PCNX2: variants seen among roughly 807,000 people sequenced by gnomAD.
PCNX2 encodes the protein pecanex-like protein 2.
Under a neutral mutation model 223.8 loss-of-function variants are expected in PCNX2, and 168 were observed. That is an observed-to-expected ratio of 0.75 (90% CI 0.66 to 0.85). The LOEUF (loss-of-function observed/expected upper bound fraction) is 0.85. Among genes scored for constraint, PCNX2 ranks in the 40% least tolerant of loss-of-function variants. The pLI, the probability that PCNX2 is intolerant of heterozygous loss-of-function variation, is 0.00. For synonymous variants in PCNX2, 1,006 were observed against 1,052.6 expected (o/e 0.96, Z 0.86); for missense variants, 2,507 against 2,675.5 (o/e 0.94, Z 1.39).
intron 17 of PCNX2, among the ~76,000 whole-genome samples, chr1:233,165,316 G>T (rs1162171439): frequency 6.6e-6 from 1 of 152,074 alleles, no homozygotes; most frequent in Non-Finnish European, 1.5e-5. Context: ...TGCCTCCTAG[G>T]GCACATTTTG....
chr1:233,054,234 C>A, intron 25 of PCNX2, 34 bp downstream of exon 25: 1 of 1,590,550 alleles, frequency 6.3e-7, no homozygotes, highest in South Asian at 1.1e-5. Flanking sequence ...AAGCAACCAA[C>A]TTTCAACAGT....
intron 26 of PCNX2, among the ~76,000 whole-genome samples, chr1:233,022,695 CTT>C (rs372153367): frequency 3.3e-4 from 42 of 128,660 alleles, no homozygotes; most frequent in African/African-American, 7.1e-4. Context: ...CTTTTTCTTT[CTT>C]TTTTTTTTTT....
At chr1:233,074,883 C>A (rs945891924) in intron 23 of PCNX2, among the ~76,000 whole-genome samples, 13 of 152,046 alleles carry the variant, frequency 8.6e-5, no homozygotes, top group East Asian at 1.9e-4. Context: ...TCACTGTATA[C>A]CCCTCAGAAT....
intron 23 of PCNX2, among the ~76,000 whole-genome samples, chr1:233,074,594 C>CAAAAAAAAAAA (rs531631109): frequency 2.1e-5 from 1 of 47,702 alleles, no homozygotes; most frequent in Non-Finnish European, 4.3e-5. Flanking sequence ...GACTCCGTCT[C>CAAAAAAAAAAA]AAAAAAAAAA....
At chr1:233,257,269 G>A (rs1659783541) in intron 5 of PCNX2, among the ~76,000 whole-genome samples, 1 of 96,728 alleles carries the variant, frequency 1.0e-5, no homozygotes, top group South Asian at 3.0e-4. Context: ...CTAGATACTT[G>A]GGAAAGCAAG....
chr1:233,010,183 A>G (rs1670417919), intron 28 of PCNX2, among the ~76,000 whole-genome samples: 1 of 152,216 alleles, frequency 6.6e-6, no homozygotes, highest in South Asian at 2.1e-4. Context: ...TCTCCAGTGG[A>G]AGCTCAGGAG....
chr1:233,271,988 T>C (rs1308682699), intron 1 of PCNX2, among the ~76,000 whole-genome samples: 2 of 152,270 alleles, frequency 1.3e-5, no homozygotes, highest in South Asian at 4.1e-4. Flanking sequence ...AATTTTAGGA[T>C]TGTCTTTTCA....
At chr1:233,197,800 T>C (rs929770832) in intron 15 of PCNX2, among the ~76,000 whole-genome samples, 6 of 152,224 alleles carry the variant, frequency 3.9e-5, no homozygotes, top group Non-Finnish European at 5.9e-5. Context: ...CAGTTTAATA[T>C]GATTTAAGTT....
chr1:233,214,519 GA>G (rs1183366703), intron 12 of PCNX2, among the ~76,000 whole-genome samples: 1 of 152,202 alleles, frequency 6.6e-6, no homozygotes, highest in Non-Finnish European at 1.5e-5. Context: ...GGGGAGGGGG[GA>G]AATCGAGCTC....
Position 233,258,870 on chromosome 1 carries a change from C to T in PCNX2, c.992G>A (p.Cys331Tyr). Residue 331 changes from cysteine to tyrosine, a missense_variant, in exon 5 of 34, where the codon TGT (cysteine) becomes TAT (tyrosine). Cys to Tyr is a radical substitution (Grantham distance 194). Coordinates refer to ENST00000258229, the MANE Select transcript of PCNX2 (RefSeq NM_014801.4). ...KPVEEPADTS[C>Y]QVDTSCQGDL... ...CCCCTGGCAGGAGGTATCTACCTGA[C>T]AGGATGTGTCTGCTGGCTCCTCCAC... 6.2e-7 allele frequency: 1 copy of T among 1,613,922 alleles called. No homozygotes were observed.
At chr1:233,217,634 C>T (rs1194160155) in intron 12 of PCNX2, among the ~76,000 whole-genome samples, 1 of 152,078 alleles carries the variant, frequency 6.6e-6, no homozygotes, top group Non-Finnish European at 1.5e-5. Context: ...TCTTTGTTGA[C>T]TTGAATCCAG....
chr1:233,269,475 A>G lies in PCNX2; in HGVS notation c.154-6312T>C, dbSNP rs118128890. On this transcript the variant is annotated intron_variant, in intron 1 of 33. Transcript: ENST00000258229. ...ATAAAAAAGCAAAGGCACTTCTCCA[A>G]TTATTTTCTGAGACACAAATACACC... 3.3e-5 allele frequency among the ~76,000 whole-genome samples: 5 copies of G among 152,316 alleles called. No individual in the cohort carries two copies. In the East Asian group the frequency reaches 5.8e-4, roughly 18 times the overall value.
intron 23 of PCNX2, among the ~76,000 whole-genome samples, chr1:233,063,063 C>T (rs551199748): frequency 2.8e-4 from 43 of 152,158 alleles, no homozygotes; most frequent in African/African-American, 9.6e-4. Flanking sequence ...ACAGTGAAAC[C>T]CTGTCTCTAC....
intron 8 of PCNX2, among the ~76,000 whole-genome samples, chr1:233,237,662 G>A (rs1350286517): frequency 4.6e-5 from 7 of 152,108 alleles, no homozygotes; most frequent in Admixed American, 4.6e-4. Context: ...TGATTTTCTA[G>A]TAGGGTATCT....
intron 15 of PCNX2, among the ~76,000 whole-genome samples, chr1:233,189,029 A>C (rs996980330): frequency 6.6e-6 from 1 of 152,198 alleles, no homozygotes; most frequent in African/African-American, 2.4e-5. Context: ...AGGCCATCTT[A>C]GAATTCAGCC....
intron 17 of PCNX2, among the ~76,000 whole-genome samples, chr1:233,177,412 T>C (rs1389439075): frequency 5.3e-5 from 8 of 152,294 alleles, no homozygotes; most frequent in Non-Finnish European, 1.2e-4. Context: ...AAATATAGAA[T>C]GTGAGGCCCC....
At chr1:233,120,164 C>CAAAAAAAAAA (rs1228898502) in intron 21 of PCNX2, among the ~76,000 whole-genome samples, 240 of 40,550 alleles carry the variant, frequency 5.9e-3, no homozygotes, top group Non-Finnish European at 7.2e-3. Flanking sequence ...GACTCCATTT[C>CAAAAAAAAAA]AAAAAAAAAA....
In PCNX2 at chr1:233,259,310, T is replaced by C. The variant is rs747173659; in HGVS notation, c.552A>G (p.Pro184=). The change falls in exon 5 of 34, where the codon CCA becomes CCG. Residue 184 remains proline, a synonymous_variant. Transcript: ENST00000258229. The part of the protein sequence containing the change: ...VILLEDHPIA[P]VSSTSPGIKV... The stretch of plus-strand genomic sequence containing the variant: ...TGATACCAGGTGAGGTAGATGACAC[T>C]GGTGCTATGGGATGGTCTTCTAATA... 6.2e-7 allele frequency: 1 copy of C among 1,613,712 alleles called. No individual in the cohort carries two copies. Among genetic ancestry groups the C allele is most frequent in the Admixed American group, 1.7e-5 (1 of 60,010 alleles).
Position 233,253,419 on chromosome 1 carries a change from G to A in PCNX2, c.1835-631C>T, listed in dbSNP as rs1332481371. Among the ~76,000 whole-genome samples the A allele has an allele frequency of 6.6e-6, 1 of 152,158 alleles. No homozygotes were observed. The highest frequency in any genetic ancestry group is 1.5e-5 in the Non-Finnish European group (1 of 68,030). ...GAGTGCAATGGTGGAGTCATAGCAC[G>A]CTGCAGCTTCAACCTCTTGGGCACA... is the stretch of plus-strand genomic sequence containing the variant. On this transcript the variant is annotated intron_variant, in intron 5 of 33. Coordinates refer to ENST00000258229, the MANE Select transcript of PCNX2 (RefSeq NM_014801.4). This position sits in a 1 kb window ranked among gnomAD's most constrained non-coding sequence, Gnocchi z 4.2.
Sources: allele counts gnomAD v4.1 joint callset (sites outside exome capture counted in the v4.1 genomes callset), GRCh38; gene constraint gnomAD v4.1.1; non-coding constraint Gnocchi (gnomAD v3.1); transcripts MANE v1.5; gene names NCBI Gene and HGNC (gene_info 2026-07-23, HGNC 2026-07-21).